The following EXOC7 variants were observed in gnomAD, a reference collection of about 807,000 sequenced individuals.
EXOC7 encodes exocyst complex component 7.
Under a neutral mutation model 87.6 loss-of-function variants are expected in EXOC7, and 51 were observed. The observed-to-expected ratio is 0.58, with a 90% confidence interval of 0.46 to 0.73. The LOEUF (loss-of-function observed/expected upper bound fraction) is 0.73. EXOC7 is among the 30% of genes least tolerant of loss of function. The pLI is 0.00. For missense variants in EXOC7, 744 were observed against 888.4 expected (o/e 0.84, Z 2.07); for synonymous variants, 327 against 357.1 (o/e 0.92, Z 0.95).
At chr17:76,090,971 G>A in intron 7 of EXOC7, 172 bp downstream of exon 7, 1 of 668,030 alleles carries the variant, frequency 1.5e-6, no homozygotes, top group Non-Finnish European at 2.7e-6. Context: ...GCCGAGGGCT[G>A]CGAAACTGTC....
At chr17:76,098,169 G>A (rs1335843839) in intron 4 of EXOC7, 151 bp from the exon 5 acceptor site, 4 of 626,892 alleles carry the variant, frequency 6.4e-6, no homozygotes, top group East Asian at 2.8e-5. Flanking sequence ...AGGGAGTCTC[G>A]CTCTGTCACC....
rs1476095301 is a variant in EXOC7, at chr17:76,101,310, G to C, written c.378C>G (p.Phe126Leu). The C allele has an allele frequency of 1.2e-6, 2 of 1,614,052 alleles. No individual in the cohort carries two copies. Residue 126 changes from phenylalanine to leucine, a missense_variant, in exon 4 of 19, where the codon TTC becomes TTG. Physicochemically the swap from Phe to Leu is conservative, Grantham distance 22 (BLOSUM62 0). Transcript: ENST00000589210. ...MAKIQKAVEY[F>L]QDNSPDSPEL... ...CCGGGCTGTCTGGGCTGTTGTCCTGGAAATACTCCACTGCCTTCTGAATCT... is the reference window on the plus strand; with the variant it reads ...CCGGGCTGTCTGGGCTGTTGTCCTGCAAATACTCCACTGCCTTCTGAATCT...
rs559108955 is a variant in EXOC7 at position 76,090,240 on chromosome 17, C to T, written c.901+903G>A. 24 of 1,455,206 alleles carry T rather than the reference C, an allele frequency of 1.6e-5. No homozygotes were observed. In the East Asian group the frequency reaches 5.2e-4, roughly 32 times the overall value. 90.1% of individuals were successfully genotyped at this position (1,455,206 alleles called of 1,614,324 possible). ...TGGCCCATCCTCAGAGCAGAGTGGGCCCAGCTGGGCCAGGCAGGAGCAGGC... is the reference window on the plus strand; with the variant it reads ...TGGCCCATCCTCAGAGCAGAGTGGGTCCAGCTGGGCCAGGCAGGAGCAGGC... On this transcript the variant is annotated intron_variant, in intron 7 of 18. Transcript: ENST00000589210.
intron 5 of EXOC7, among the ~76,000 whole-genome samples, chr17:76,097,286 C>T (rs757956998): frequency 2.6e-5 from 4 of 152,160 alleles, no homozygotes; most frequent in Non-Finnish European, 5.9e-5. Context: ...AAAATCAAGA[C>T]AAGAAAAGTT....
At position 76,082,121 on chromosome 17, in the gene EXOC7, C is replaced by G. The variant is rs771423021; in HGVS notation, c.*1527G>C. 2.0e-6 allele frequency: 3 copies of G among 1,505,296 alleles called. No homozygotes were observed. The highest frequency in any genetic ancestry group is 5.0e-5 in the Admixed American group (2 of 39,650). 93.2% of individuals were successfully genotyped at this position (1,505,296 alleles called of 1,614,324 possible). On this transcript the variant is annotated 3_prime_UTR_variant, in exon 19 of 19. Coordinates refer to ENST00000589210, the MANE Select transcript of EXOC7 (RefSeq NM_001013839.4). ...AGGGCTGGGGTGAGGGCACGGAGGT[C>G]CAGGTGTGGGTAGAGGCCCCTTGCA...
At chr17:76,098,138 G>T in intron 4 of EXOC7, 120 bp from the exon 5 acceptor site, 3 of 786,194 alleles carry the variant, frequency 3.8e-6, no homozygotes, top group Non-Finnish European at 6.0e-6. Flanking sequence ...TTTCTGCCCT[G>T]ATATCTTTTT....
chr17:76,099,140 A>G (rs1002748551), intron 4 of EXOC7, among the ~76,000 whole-genome samples: 2 of 152,238 alleles, frequency 1.3e-5, no homozygotes, highest in African/African-American at 4.8e-5. Context: ...AAGAGGGTTT[A>G]TAGCAGCATT....
At position 76,088,582 on chromosome 17, in the gene EXOC7, C is replaced by T. The variant is rs753025959; in HGVS notation, c.1201-20G>A. ...CGTGCCCTGAGGAAGCACAGGGGAGCCCCCAGCTCACCTCCAGTCGCTCTG... is the reference window on the plus strand; with the variant it reads ...CGTGCCCTGAGGAAGCACAGGGGAGTCCCCAGCTCACCTCCAGTCGCTCTG... On this transcript the variant is annotated intron_variant, in intron 9 of 18. Coordinates refer to ENST00000589210, the MANE Select transcript of EXOC7 (RefSeq NM_001013839.4). 6.2e-7 allele frequency: 1 copy of T among 1,609,500 alleles called. No individual in the cohort carries two copies. The highest frequency in any genetic ancestry group is 1.1e-5 in the South Asian group (1 of 90,698).
intron 4 of EXOC7, among the ~76,000 whole-genome samples, chr17:76,099,287 C>T (rs1260239214): frequency 3.3e-5 from 5 of 152,170 alleles, no homozygotes; most frequent in Non-Finnish European, 5.9e-5. Context: ...AAGCAGATCA[C>T]CTGAGGTCAG....
intron 6 of EXOC7, chr17:76,092,808 G>A (rs1790871991): frequency 6.6e-6 from 1 of 152,214 alleles, no homozygotes; most frequent in African/African-American, 2.4e-5. Context: ...ATTGCCTCCA[G>A]GGATGCTGAG....
chr17:76,086,035 G>A (rs773553683), intron 13 of EXOC7, 45 bp downstream of exon 13: 2 of 1,601,786 alleles, frequency 1.2e-6, no homozygotes, highest in Non-Finnish European at 1.7e-6. Flanking sequence ...GAAAGGCAGG[G>A]CATGCAGGCA....
At position 76,088,920 on chromosome 17, in the gene EXOC7, C is replaced by A. The variant is rs780888676; in HGVS notation, c.1051G>T (p.Ala351Ser). The A allele has an allele frequency of 3.1e-6, 5 of 1,612,588 alleles. No homozygotes were observed. Among genetic ancestry groups the A allele is most frequent in the Non-Finnish European group, 4.2e-6 (5 of 1,179,870 alleles). The change falls in exon 9 of 19, where the codon GCC (alanine) becomes TCC (serine). Residue 351 changes from alanine to serine, a missense_variant. By Grantham distance (99) the Ala-to-Ser change is moderately conservative (BLOSUM62 1). This residue lies in a region of EXOC7 where 512 missense variants were observed against 573.0 expected (regional missense o/e 0.89). Coordinates refer to ENST00000589210, the MANE Select transcript of EXOC7 (RefSeq NM_001013839.4). Reference protein sequence around the residue: ...KKTFDSLIQDALDGLMLEGEN... With the variant: ...KKTFDSLIQDSLDGLMLEGEN... Reference sequence around the variant, plus strand: ...CCTTCAAGCATCAGCCCATCCAGGGCATCCTGAGGGGGCAGGGAGACAGTT... The same window carrying A: ...CCTTCAAGCATCAGCCCATCCAGGGAATCCTGAGGGGGCAGGGAGACAGTT...
At chr17:76,090,561 A>T in intron 7 of EXOC7, 2 of 1,375,242 alleles carry the variant, frequency 1.5e-6, no homozygotes, top group Non-Finnish European at 2.0e-6. Context: ...CCTCTACCTC[A>T]AGCCACCTTG....
At chr17:76,100,633 C>CAAA (rs34141633) in intron 4 of EXOC7, among the ~76,000 whole-genome samples, 1 of 130,916 alleles carries the variant, frequency 7.6e-6, no homozygotes, top group African/African-American at 2.7e-5. Flanking sequence ...AACTCCATCT[C>CAAA]AAAAAAAAAA....
chr17:76,089,657 G>A (rs1296480957), intron 7 of EXOC7: 1 of 338,820 alleles, frequency 3.0e-6, no homozygotes, highest in Non-Finnish European at 5.7e-6. Context: ...CCCCAGGACT[G>A]AGCATTCTGA....
intron 7 of EXOC7, chr17:76,090,288 C>T: frequency 6.5e-7 from 1 of 1,543,466 alleles, no homozygotes; most frequent in Non-Finnish European, 8.7e-7. Context: ...GCTGCGAAGG[C>T]AGTGTCAGCG....
In EXOC7 at chr17:76,084,444, C is replaced by A. The variant is rs772752171; in HGVS notation, c.1776+73G>T. The A allele has an allele frequency of 2.6e-5, 41 of 1,585,164 alleles. No homozygotes were observed. In the African/African-American group the frequency reaches 4.7e-4, roughly 18 times the overall value. On this transcript the variant is annotated intron_variant, in intron 16 of 18. Coordinates refer to ENST00000589210, the MANE Select transcript of EXOC7 (RefSeq NM_001013839.4). ...CTGATCCCAGAGGGATGCTTGTCCACTTTTTCCCAGAGACACGACAAAAAG... is the reference window on the plus strand; with the variant it reads ...CTGATCCCAGAGGGATGCTTGTCCAATTTTTCCCAGAGACACGACAAAAAG...
At chr17:76,091,277 G>A (rs1430349948) in intron 6 of EXOC7, 42 bp from the exon 7 acceptor site, 2 of 1,572,492 alleles carry the variant, frequency 1.3e-6, no homozygotes, top group Non-Finnish European at 1.8e-6. Flanking sequence ...GAAGACCTAG[G>A]AAATGAGTGA....
At position 76,101,765 on chromosome 17, in the gene EXOC7, C is replaced by A. The variant is rs369829970; in HGVS notation, c.225G>T (p.Glu75Asp). 1.2e-6 allele frequency: 2 copies of A among 1,614,002 alleles called. No homozygotes were observed. Among genetic ancestry groups the A allele is most frequent in the African/African-American group, 1.3e-5 (1 of 74,892 alleles). The change falls in exon 3 of 19, where the codon GAG becomes GAT. Residue 75 changes from glutamate to aspartate, a missense_variant. Physicochemically the swap from Glu to Asp is conservative, Grantham distance 45. Coordinates refer to ENST00000589210, the MANE Select transcript of EXOC7 (RefSeq NM_001013839.4). Reference protein sequence around the residue: ...KQTENLQRLQENVEKTLSCLD... With the variant: ...KQTENLQRLQDNVEKTLSCLD... ...GGCAGGACAGCGTCTTCTCAACATT[C>A]TCCTGCAGCCGCTGCAGATTCTCCG...
Sources: allele counts gnomAD v4.1 joint callset (sites outside exome capture counted in the v4.1 genomes callset), GRCh38; gene constraint gnomAD v4.1.1; regional missense constraint gnomAD v4.1.1; transcripts MANE v1.5; gene names NCBI Gene and HGNC (gene_info 2026-07-23, HGNC 2026-07-21).